Variants in C14orf39 observed in about 807,000 individuals in gnomAD.
C14orf39 encodes protein SIX6OS1.
Under a neutral mutation model 85.6 loss-of-function variants are expected in C14orf39, and 66 were observed. The ratio of observed to expected loss-of-function variants is 0.77; its 90% CI spans 0.63 to 0.95. The LOEUF (loss-of-function observed/expected upper bound fraction) is 0.95, where lower values mean the gene tolerates loss of function less well. C14orf39 is among the 40% of genes least tolerant of loss of function. The probability of loss-of-function intolerance (pLI) is 0.00; values close to 1 mark genes in which losing one functional copy is unlikely to be tolerated. For synonymous variants in C14orf39, 242 were observed against 214.0 expected (o/e 1.13, Z -1.14); for missense variants, 735 against 663.9 (o/e 1.11, Z -1.18).
chr14:60,511,528 C>G lies in C14orf39; in HGVS notation c.-144+3867G>C. 11 of 569,884 alleles carry G rather than the reference C, an allele frequency of 1.9e-5. No individual in the cohort carries two copies. The South Asian group carries it at 2.2e-4, about 12-fold the overall frequency. The allele number at this position is 569,884 out of a possible 1,614,324, so 35.3% of individuals were successfully genotyped here. On this transcript the variant is annotated intron_variant, in intron 1 of 5. Coordinates refer to the C14orf39 transcript ENST00000556799. The stretch of plus-strand genomic sequence containing the variant: ...TTTCCTAAGGATTTTGCTGCAAAGT[C>G]TCCTTCGGAACCCGAACTGCAAGCT...
chr14:60,492,734 G>C (rs978479394), intron 2 of C14orf39, among the ~76,000 whole-genome samples: 1 of 152,142 alleles, frequency 6.6e-6, no homozygotes, highest in African/African-American at 2.4e-5. Flanking sequence ...AGTAAACCAA[G>C]ATTGTGCCAC....
At position 60,483,707 on chromosome 14, in the gene C14orf39, T is replaced by C; in HGVS notation, c.217A>G (p.Lys73Glu). The C allele has an allele frequency of 6.3e-7, 1 of 1,592,418 alleles. No individual in the cohort carries two copies. The highest frequency in any genetic ancestry group is 8.6e-7 in the Non-Finnish European group (1 of 1,169,452). ...DHYCKHSEEI[K>E]DNCRNWKPTC... ...AATACTCACTTTCTACAGTTGTCTT[T>C]AATCTCCTCACTATGTTTACAGTAA... The change falls in exon 4 of 18, where the codon AAA (lysine) becomes GAA (glutamate). Residue 73 changes from lysine (K) to glutamate (E), a missense_variant. Transcript: ENST00000321731.
chr14:60,461,461 A>G (rs1467805637), intron 12 of C14orf39, 47 bp downstream of exon 12: 1 of 1,570,204 alleles, frequency 6.4e-7, no homozygotes, highest in Non-Finnish European at 8.7e-7. Context: ...GTTGATATCT[A>G]TAAATTATTT....
At chr14:60,493,589 TA>T (rs375048245) in intron 2 of C14orf39, among the ~76,000 whole-genome samples, 1 of 152,020 alleles carries the variant, frequency 6.6e-6, no homozygotes, top group African/African-American at 2.4e-5. Context: ...TTCCAAAATT[TA>T]AAAAAAAAAT....
At chr14:60,498,069 A>G (rs1349194247) in intron 2 of C14orf39, among the ~76,000 whole-genome samples, 4 of 152,132 alleles carry the variant, frequency 2.6e-5, no homozygotes. Flanking sequence ...CTTGCACCAC[A>G]TTTCTAAGTA....
At chr14:60,460,224 C>G (rs1024224) in intron 13 of C14orf39, among the ~76,000 whole-genome samples, 125,242 of 151,722 alleles carry the variant, frequency 0.83, 53,175 homozygotes, top group Non-Finnish European at 0.92. Context: ...CTCAACAGCA[C>G]GTAGGGCTAT....
intron 1 of C14orf39, among the ~76,000 whole-genome samples, chr14:60,507,747 T>C (rs1456727379): frequency 6.6e-6 from 1 of 152,174 alleles, no homozygotes; most frequent in Non-Finnish European, 1.5e-5. Flanking sequence ...ACAAGCCGCA[T>C]ACAAATTGTA....
intron 16 of C14orf39, among the ~76,000 whole-genome samples, chr14:60,443,903 C>A (rs189021180): frequency 4.7e-4 from 71 of 152,320 alleles, no homozygotes; most frequent in African/African-American, 1.6e-3. Flanking sequence ...CACAGGCAAA[C>A]AGGGTCTGGA....
chr14:60,502,591 GAAAAA>G (rs556021919), intron 1 of C14orf39, among the ~76,000 whole-genome samples: 1 of 151,998 alleles, frequency 6.6e-6, no homozygotes, highest in Admixed American at 6.6e-5. Flanking sequence ...CACTAAAACA[GAAAAA>G]AAGATTAAAA....
At chr14:60,471,506 T>C in intron 6 of C14orf39, 46 bp downstream of exon 6, 1 of 1,573,038 alleles carries the variant, frequency 6.4e-7, no homozygotes, top group Non-Finnish European at 8.6e-7. Flanking sequence ...ATTCTTTTCA[T>C]TACAAAGATA....
upstream of C14orf39, among the ~76,000 whole-genome samples, chr14:60,489,790 C>T (rs1297096117): frequency 6.6e-6 from 1 of 152,158 alleles, no homozygotes; most frequent in Non-Finnish European, 1.5e-5. Context: ...GAGAATCTTC[C>T]CTAGACATTA....
rs558276670 is a variant in C14orf39 at position 60,454,400 on chromosome 14, T to C, written c.1503+601A>G. 3.9e-5 allele frequency among the ~76,000 whole-genome samples: 6 copies of C among 152,104 alleles called. No homozygotes were observed. The East Asian group carries it at 1.2e-3, about 29-fold the overall frequency. ...AATAGTTATTATTTCATTTTACAGA[T>C]AAGGAAACCAAGCCACTTACCCAAA... On this transcript the variant is annotated intron_variant, in intron 16 of 17. Coordinates refer to ENST00000321731, the MANE Select transcript of C14orf39 (RefSeq NM_174978.3).
chr14:60,483,565 A>G, intron 4 of C14orf39, 126 bp downstream of exon 4: 1 of 739,042 alleles, frequency 1.4e-6, no homozygotes, highest in Non-Finnish European at 2.1e-6. Context: ...GTGGCATAAC[A>G]AGGCACATTA....
chr14:60,465,309 G>A (rs999253658), intron 11 of C14orf39, among the ~76,000 whole-genome samples: 1 of 152,016 alleles, frequency 6.6e-6, no homozygotes, highest in African/African-American at 2.4e-5. Flanking sequence ...TTTCCCTCTG[G>A]ACTATTTTCA....
rs192094161 is a variant in C14orf39 at position 60,455,944 on chromosome 14, A to T, written c.1359-799T>A. Among the ~76,000 whole-genome samples the T allele has an allele frequency of 6.6e-5, 10 of 152,246 alleles. No homozygotes were observed. In the East Asian group the frequency reaches 1.7e-3, roughly 26 times the overall value. On this transcript the variant is annotated intron_variant, in intron 15 of 17. Transcript: ENST00000321731. The stretch of plus-strand genomic sequence containing the variant: ...AATGAGTCACTTAACTTTACAGATG[A>T]TAGTTTTCTCATCCATGGGGAGAGG...
rs1365604377 is a variant in C14orf39, at chr14:60,515,443, C to T, written c.-192G>A. 2 of 151,962 alleles carry T rather than the reference C, an allele frequency of 1.3e-5. No individual in the cohort carries two copies. The allele number at this position is 151,962 out of a possible 1,614,324, so 9.4% of individuals were successfully genotyped here. On this transcript the variant is annotated 5_prime_UTR_variant, in exon 1 of 6. Coordinates refer to the C14orf39 transcript ENST00000556799. The surrounding 1 kb of genome is among the most constrained non-coding windows in gnomAD (Gnocchi z 6.2). ...ACTCGCGGACGTGTAGGCCTCGAGC[C>T]ACTCCTACTGTTGGGCTGCGTGACT...
chr14:60,474,547 T>C (rs1442685360), intron 5 of C14orf39, among the ~76,000 whole-genome samples: 1 of 151,478 alleles, frequency 6.6e-6, no homozygotes, highest in Non-Finnish European at 1.5e-5. Context: ...TTGTCATAAA[T>C]AGCTCTTATT....
In C14orf39 at chr14:60,478,384, T is replaced by G; in HGVS notation, c.239A>C (p.Lys80Thr). ...TTTACGAAAAACATCACATGTTGGC[T>G]TCCAGCTATAGAAAAAAATATATTT... Reference protein sequence around the residue: ...EEIKDNCRNWKPTCDVFRKHE... With the variant: ...EEIKDNCRNWTPTCDVFRKHE... The change falls in exon 5 of 18, where the codon AAG becomes ACG. Residue 80 changes from lysine to threonine, a missense_variant. Coordinates refer to ENST00000321731, the MANE Select transcript of C14orf39 (RefSeq NM_174978.3). 1.3e-6 allele frequency: 2 copies of G among 1,557,526 alleles called. No individual in the cohort carries two copies. Among genetic ancestry groups the G allele is most frequent in the Non-Finnish European group, 1.7e-6 (2 of 1,152,664 alleles).
chr14:60,501,306 C>CAA (rs66800067), intron 1 of C14orf39, among the ~76,000 whole-genome samples: 5,132 of 105,032 alleles, frequency 0.049, 301 homozygotes, highest in African/African-American at 0.099. Flanking sequence ...ACCCTGTCTC[C>CAA]AAAAAAAAAA....
Sources: gnomAD v4.1 joint callset for allele counts (sites outside exome capture counted in the v4.1 genomes callset) on GRCh38, gnomAD v4.1.1 for gene constraint, Gnocchi (gnomAD v3.1) non-coding constraint, MANE v1.5 for transcripts, NCBI Gene and HGNC (gene_info 2026-07-23, HGNC 2026-07-21) for gene names.